Variants in CMSS1 observed in about 807,000 individuals in gnomAD.
The protein encoded by CMSS1 is protein CMSS1.
A neutral mutation model predicts 43.5 loss-of-function variants in CMSS1; 33 were observed. The observed-to-expected ratio is 0.76, with a 90% CI of 0.57 to 1.01. The LOEUF (loss-of-function observed/expected upper bound fraction) is 1.01, where lower values mean the gene tolerates loss of function less well. Among genes scored for constraint, CMSS1 ranks in the 50% least tolerant of loss-of-function variants. The probability of loss-of-function intolerance (pLI) is 0.00; values close to 1 mark genes in which losing one functional copy is unlikely to be tolerated. For synonymous variants in CMSS1, 115 were observed against 117.2 expected, an observed-to-expected ratio of 0.98 and a Z score of 0.12; for missense variants, 313 against 326.4, an observed-to-expected ratio of 0.96 and a Z score of 0.32.
intron 1 of CMSS1, among the ~76,000 whole-genome samples, chr3:99,868,633 T>G (rs1944636808): frequency 1.3e-5 from 2 of 152,192 alleles, no homozygotes; most frequent in African/African-American, 4.8e-5. Context: ...AAATAATGGG[T>G]TTTTAAACTT....
intron 1 of CMSS1, chr3:100,109,985 A>T (rs1293971376): frequency 7.2e-6 from 1 of 139,596 alleles, no homozygotes; most frequent in Non-Finnish European, 1.5e-5. Flanking sequence ...ACTGTTGGCA[A>T]CCATTTTTTT....
At chr3:100,074,201 G>A (rs548570776) in intron 1 of CMSS1, among the ~76,000 whole-genome samples, 78 of 152,242 alleles carry the variant, frequency 5.1e-4, no homozygotes, top group Non-Finnish European at 7.9e-4. Flanking sequence ...AGTGGAGTCC[G>A]AGAGCTCTAA....
intron 1 of CMSS1, among the ~76,000 whole-genome samples, chr3:99,966,287 G>A (rs1708649148): frequency 6.6e-6 from 1 of 152,160 alleles, no homozygotes; most frequent in African/African-American, 2.4e-5. Flanking sequence ...ACTCCAGGCA[G>A]ATCTCCTGGG....
At chr3:100,038,579 G>A (rs984361498) in intron 1 of CMSS1, among the ~76,000 whole-genome samples, 1 of 152,156 alleles carries the variant, frequency 6.6e-6, no homozygotes, top group Non-Finnish European at 1.5e-5. Context: ...ATGTACTTTT[G>A]TAGGGACTGG....
intron 1 of CMSS1, among the ~76,000 whole-genome samples, chr3:100,036,775 A>T (rs989370127): frequency 6.6e-6 from 1 of 152,100 alleles, no homozygotes; most frequent in Non-Finnish European, 1.5e-5. Flanking sequence ...GGAGTAGAGA[A>T]GCCTGGTAGT....
intron 1 of CMSS1, chr3:99,849,727 A>T: frequency 6.2e-7 from 1 of 1,613,726 alleles, no homozygotes; most frequent in South Asian, 1.1e-5. Flanking sequence ...TTCTGTTTTC[A>T]TGAGGTCATC....
chr3:99,855,099 T>G (rs889925763), intron 1 of CMSS1, among the ~76,000 whole-genome samples: 30 of 152,220 alleles, frequency 2.0e-4, no homozygotes, highest in African/African-American at 6.8e-4. Context: ...GGATACTGTT[T>G]GAATATTAAC....
chr3:99,915,631 A>G (rs1020458407), intron 1 of CMSS1, among the ~76,000 whole-genome samples: 5 of 146,334 alleles, frequency 3.4e-5, no homozygotes, highest in Admixed American at 6.8e-5. Flanking sequence ...TTAATGGTTT[A>G]AAAAAAAAAA....
At chr3:100,135,424 T>TTG (rs1274217551) in intron 1 of CMSS1, among the ~76,000 whole-genome samples, 3 of 137,842 alleles carry the variant, frequency 2.2e-5, no homozygotes, top group Non-Finnish European at 4.7e-5. Flanking sequence ...TGAGGAGCCT[T>TTG]TGTGTGTGTG....
intron 1 of CMSS1, among the ~76,000 whole-genome samples, chr3:99,993,007 T>C (rs1237901307): frequency 2.6e-5 from 4 of 152,170 alleles, no homozygotes; most frequent in African/African-American, 9.6e-5. Context: ...TTCTCTCTTC[T>C]GTTCCATTGA....
chr3:100,157,653 A>T (rs1388469503), intron 2 of CMSS1, among the ~76,000 whole-genome samples: 1 of 152,184 alleles, frequency 6.6e-6, no homozygotes, highest in African/African-American at 2.4e-5. Context: ...TGGAATAGGG[A>T]CAGGAAATGG....
intron 1 of CMSS1, among the ~76,000 whole-genome samples, chr3:99,899,240 T>G (rs1706358882): frequency 6.6e-6 from 1 of 152,236 alleles, no homozygotes; most frequent in Non-Finnish European, 1.5e-5. Context: ...GTCTGCTCAG[T>G]TTTATTTTGA....
intron 4 of CMSS1, among the ~76,000 whole-genome samples, chr3:100,164,867 G>A (rs1346974208): frequency 6.6e-6 from 1 of 152,158 alleles, no homozygotes; most frequent in Non-Finnish European, 1.5e-5. Flanking sequence ...TGTCTGTAGG[G>A]CAGGAACATG....
At chr3:99,930,068 C>T (rs1435237906) in intron 1 of CMSS1, 1 of 1,524,842 alleles carries the variant, frequency 6.6e-7, no homozygotes, top group African/African-American at 1.4e-5. Context: ...CCTGCTGTCT[C>T]TACCAGCAGT....
rs1038314813 is a variant in CMSS1 at position 100,179,880 on chromosome 3, G to T, written c.*1492G>T. ...CCATGAGGGCTTCACCCCTGTAGCA[G>T]ACTTCTGCCTGGACATCCAGGCGTT... On this transcript the variant is annotated 3_prime_UTR_variant, in exon 10 of 10. Transcript: ENST00000421999. 1 of 152,468 alleles carries T rather than the reference G, an allele frequency of 6.6e-6. No homozygotes were observed. Among genetic ancestry groups the T allele is most frequent in the African/African-American group, 2.4e-5 (1 of 41,588 alleles). 9.4% of individuals were successfully genotyped at this position (152,468 alleles called of 1,614,324 possible). A position where few individuals can be genotyped will look rare whatever the true frequency, so the allele number is the denominator to read the frequency against.
At chr3:100,162,229 G>A (rs1321365932) in intron 3 of CMSS1, 74 bp from the exon 4 acceptor site, 9 of 1,335,144 alleles carry the variant, frequency 6.7e-6, no homozygotes, top group Admixed American at 4.3e-5. Context: ...TTAAATGCCA[G>A]AGGAACTAAC....
intron 1 of CMSS1, among the ~76,000 whole-genome samples, chr3:99,983,059 A>G (rs1559713163): frequency 6.6e-6 from 1 of 152,204 alleles, no homozygotes; most frequent in Admixed American, 6.5e-5. Context: ...CCCATCAGGA[A>G]TAACACATGC....
intron 1 of CMSS1, among the ~76,000 whole-genome samples, chr3:99,828,645 A>G (rs978403695): frequency 4.1e-5 from 6 of 147,844 alleles, no homozygotes; most frequent in Non-Finnish European, 7.5e-5. Context: ...TCGGAGAGAC[A>G]AGGTCTTGCC....
At chr3:99,941,647 G>A (rs1254193870) in intron 1 of CMSS1, among the ~76,000 whole-genome samples, 1 of 152,104 alleles carries the variant, frequency 6.6e-6, no homozygotes, top group Non-Finnish European at 1.5e-5. Context: ...AAATAATAGG[G>A]AATAATTATA....
Sources: gnomAD v4.1 joint callset for allele counts (sites outside exome capture counted in the v4.1 genomes callset) on GRCh38, gnomAD v4.1.1 for gene constraint, MANE v1.5 for transcripts, NCBI Gene and HGNC (gene_info 2026-07-23, HGNC 2026-07-21) for gene names.